PHF14: variants seen among roughly 807,000 people sequenced by gnomAD.
The protein encoded by PHF14 is PHD finger protein 14.
A neutral mutation model predicts 117.9 loss-of-function variants in PHF14; 55 were observed. That is an observed-to-expected ratio of 0.47 (90% CI 0.38 to 0.58). PHF14 has a LOEUF of 0.58. Among genes scored for constraint, PHF14 ranks in the 20% least tolerant of loss-of-function variants. The pLI, the probability that PHF14 is intolerant of heterozygous loss-of-function variation, is 0.00. For synonymous variants in PHF14, 409 were observed against 368.6 expected (o/e 1.11, Z -1.26); for missense variants, 978 against 1,122.2 (o/e 0.87, Z 1.84).
chr7:11,062,804 A>G, intron 16 of PHF14: 1 of 985,350 alleles, frequency 1.0e-6, no homozygotes, highest in Non-Finnish European at 1.2e-6. Context: ...TGTGTGAACA[A>G]AAAGAGAGCT....
chr7:11,149,078 T>A (rs1243142333), intron 17 of PHF14, among the ~76,000 whole-genome samples: 1 of 152,096 alleles, frequency 6.6e-6, no homozygotes, highest in African/African-American at 2.4e-5. Flanking sequence ...TCATATGCCT[T>A]TCACAGAGTC....
At chr7:10,974,492 T>G (rs1281243912) in intron 1 of PHF14, among the ~76,000 whole-genome samples, 168 bp downstream of exon 1, 2 of 152,118 alleles carry the variant, frequency 1.3e-5, no homozygotes, top group East Asian at 3.9e-4. Flanking sequence ...TATTCCCTGA[T>G]TTTTGCCGTT....
intron 5 of PHF14, among the ~76,000 whole-genome samples, chr7:11,021,426 A>G (rs1396021451): frequency 1.3e-5 from 2 of 152,194 alleles, no homozygotes; most frequent in Admixed American, 1.3e-4. Context: ...ATTTTCATTG[A>G]CTTTGATAGG....
chr7:11,078,893 T>G (rs1467141639), intron 16 of PHF14, among the ~76,000 whole-genome samples: 1 of 152,182 alleles, frequency 6.6e-6, no homozygotes, highest in Non-Finnish European at 1.5e-5. Context: ...AGCTTTTAAA[T>G]GGACTAAAAT....
intron 17 of PHF14, among the ~76,000 whole-genome samples, chr7:11,159,095 ACT>A (rs1788941367): frequency 6.6e-6 from 1 of 152,020 alleles, no homozygotes; most frequent in Non-Finnish European, 1.5e-5. Context: ...TATAGTTTTC[ACT>A]CTGAATCTTA....
intron 16 of PHF14, chr7:11,063,644 T>G: frequency 2.1e-6 from 2 of 973,558 alleles, no homozygotes. Flanking sequence ...GCTGTAGGAC[T>G]TAGAGGTTTT....
chr7:11,002,291 A>G (rs937693890), intron 4 of PHF14, among the ~76,000 whole-genome samples: 9 of 152,192 alleles, frequency 5.9e-5, no homozygotes, highest in South Asian at 2.1e-4. Flanking sequence ...GAACTCTGCA[A>G]TGTGGACGAT....
chr7:11,104,234 G>A lies in PHF14; in HGVS notation c.2655-7116G>A, dbSNP rs150317823. On this transcript the variant is annotated intron_variant, in intron 16 of 17. Transcript: ENST00000634607. ...CATTTTCCATCTTGCATTTTCAGTG[G>A]TGGTGGATATTCTATTCCACATTTG... 353 of 984,136 alleles carry A rather than the reference G, an allele frequency of 3.6e-4. 1 individual carries two copies. Among genetic ancestry groups the A allele is most frequent in the South Asian group, 1.2e-3 (25 of 21,250 alleles). 61.0% of individuals were successfully genotyped at this position (984,136 alleles called of 1,614,324 possible). A position where few individuals can be genotyped will look rare whatever the true frequency, so the allele number is the denominator to read the frequency against.
At chr7:11,049,849 A>G (rs1349366182) in intron 13 of PHF14, among the ~76,000 whole-genome samples, 2 of 152,192 alleles carry the variant, frequency 1.3e-5, no homozygotes, top group African/African-American at 2.4e-5. Context: ...TGTCTTTGTT[A>G]ATGATGGTAA....
At chr7:11,075,603 T>C in intron 16 of PHF14, among the ~76,000 whole-genome samples, 1 of 143,462 alleles carries the variant, frequency 7.0e-6, no homozygotes, top group Non-Finnish European at 1.5e-5. Flanking sequence ...TATTATGCCA[T>C]TCATGAGGGT....
At chr7:11,027,180 C>T (rs1482731765) in intron 6 of PHF14, among the ~76,000 whole-genome samples, 3 of 152,146 alleles carry the variant, frequency 2.0e-5, no homozygotes, top group Non-Finnish European at 4.4e-5. Context: ...AACAATATGT[C>T]TCTGTTCACA....
chr7:11,020,719 AGTCTTAGTTCT>A (rs1398973330), intron 5 of PHF14, among the ~76,000 whole-genome samples: 5 of 152,064 alleles, frequency 3.3e-5, no homozygotes, highest in African/African-American at 9.7e-5. Context: ...AGATTTAGTA[AGTCTTAGTTCT>A]GTCCCTTGCT....
At chr7:11,156,505 C>T (rs1478342749) in intron 17 of PHF14, among the ~76,000 whole-genome samples, 1 of 151,982 alleles carries the variant, frequency 6.6e-6, no homozygotes, top group Non-Finnish European at 1.5e-5. Context: ...TTTAGAAATT[C>T]ACTTTCTGGC....
chr7:11,081,639 G>A (rs546844525), intron 16 of PHF14, among the ~76,000 whole-genome samples: 15 of 149,762 alleles, frequency 1.0e-4, no homozygotes, highest in Non-Finnish European at 1.6e-4. Flanking sequence ...GGCGGATCAT[G>A]AAGTCAGGAG....
intron 3 of PHF14, among the ~76,000 whole-genome samples, chr7:10,987,941 G>T (rs867775336): frequency 3.4e-5 from 5 of 149,184 alleles, no homozygotes; most frequent in African/African-American, 1.2e-4. Context: ...GCTTGAACCC[G>T]GGAGGTGGAG....
At chr7:10,997,412 G>T (rs538447449) in intron 4 of PHF14, among the ~76,000 whole-genome samples, 1 of 152,298 alleles carries the variant, frequency 6.6e-6, no homozygotes. Flanking sequence ...GAAATTGAGG[G>T]AGGGTTTTTT....
chr7:11,019,442 T>C (rs1405356498), intron 5 of PHF14, among the ~76,000 whole-genome samples: 1 of 152,192 alleles, frequency 6.6e-6, no homozygotes, highest in Non-Finnish European at 1.5e-5. Context: ...TGTACAGGCT[T>C]TGGATTTCTT....
At chr7:11,129,337 A>G (rs1788022764) in intron 17 of PHF14, among the ~76,000 whole-genome samples, 1 of 152,080 alleles carries the variant, frequency 6.6e-6, no homozygotes, top group Non-Finnish European at 1.5e-5. Context: ...CAGCAAGTTT[A>G]AAATCATATT....
rs190410361 is a variant in PHF14 at position 11,122,449 on chromosome 7, A to G, written c.2772+10982A>G. Among the ~76,000 whole-genome samples, 127 of 143,040 alleles carry G rather than the reference A, an allele frequency of 8.9e-4. 1 individual carries two copies. The highest frequency in any genetic ancestry group is 3.6e-3 in the Middle Eastern group (1 of 278). The allele number at this position is 143,040 out of a possible 152,430, so 93.8% of individuals were successfully genotyped here. A position where few individuals can be genotyped will look rare whatever the true frequency, so the allele number is the denominator to read the frequency against. ...TACACGTATATATATATACGTATAT[A>G]TATATATTGTGTGTGTGTGTGTGTC... is the stretch of plus-strand genomic sequence containing the variant. On this transcript the variant is annotated intron_variant, in intron 17 of 17. Transcript: ENST00000634607.
Sources: gnomAD v4.1 joint callset for allele counts (sites outside exome capture counted in the v4.1 genomes callset) on GRCh38, gnomAD v4.1.1 for gene constraint, MANE v1.5 for transcripts, NCBI Gene and HGNC (gene_info 2026-07-23, HGNC 2026-07-21) for gene names.